The following RAP1GDS1 variants were observed in gnomAD, a reference collection of about 807,000 sequenced individuals.
RAP1GDS1 encodes the protein Rap1 GTPase-GDP dissociation stimulator 1.
In RAP1GDS1, 35 loss-of-function variants were observed where a neutral mutation model predicts 71.1. The observed-to-expected ratio is 0.49, with a 90% CI of 0.38 to 0.65. RAP1GDS1 has a LOEUF of 0.65. RAP1GDS1 is among the 30% of genes least tolerant of loss of function. The pLI is 0.00. For synonymous variants in RAP1GDS1, 229 were observed against 243.1 expected (o/e 0.94, Z 0.54); for missense variants, 663 against 706.1 (o/e 0.94, Z 0.69).
At chr4:98,280,052 A>G (rs1724827272) in intron 1 of RAP1GDS1, among the ~76,000 whole-genome samples, 1 of 152,236 alleles carries the variant, frequency 6.6e-6, no homozygotes. Flanking sequence ...TATTGTGAAT[A>G]GTGCCGCAAT....
intron 14 of RAP1GDS1, chr4:98,441,739 C>T: frequency 1.6e-6 from 1 of 612,018 alleles, no homozygotes; most frequent in Non-Finnish European, 2.0e-6. Context: ...TGTACTCAAA[C>T]CTGGGCAGCA....
chr4:98,334,300 T>TA lies in RAP1GDS1; in HGVS notation c.113-8832dup, dbSNP rs557811180. ...GGGTAAAACTGTTTCTATAGCAGTT[T>TA]AAAAAAACAAAAAAAACCTCTTTTA... On this transcript the variant is annotated intron_variant, in intron 2 of 14. Transcript: ENST00000408927. Among the ~76,000 whole-genome samples the TA allele has an allele frequency of 3.9e-3, 581 of 150,726 alleles. 6 individuals carry two copies. The highest frequency in any genetic ancestry group is 0.014 in the African/African-American group (556 of 41,120).
At chr4:98,269,108 A>G (rs745573902) in intron 1 of RAP1GDS1, among the ~76,000 whole-genome samples, 2 of 150,644 alleles carry the variant, frequency 1.3e-5, no homozygotes, top group Admixed American at 1.3e-4. Context: ...AAGCAGACAC[A>G]TAGATCAATG....
Position 98,431,933 on chromosome 4 carries a change from A to T in RAP1GDS1, c.1441-2003A>T, listed in dbSNP as rs564548645. The stretch of plus-strand genomic sequence containing the variant: ...TGAAGTAGTTGGTGAGAGGGCAGGA[A>T]TTTTTTTTTTTAATTATACTTTAAG... On this transcript the variant is annotated intron_variant, in intron 12 of 14. Transcript: ENST00000408927. Among the ~76,000 whole-genome samples the T allele has an allele frequency of 6.7e-5, 10 of 149,526 alleles. No homozygotes were observed. The South Asian group carries it at 1.9e-3, about 28-fold the overall frequency.
chr4:98,427,551 T>C (rs1749786559), intron 12 of RAP1GDS1, among the ~76,000 whole-genome samples: 1 of 151,738 alleles, frequency 6.6e-6, no homozygotes, highest in Non-Finnish European at 1.5e-5. Flanking sequence ...ACAAATTAGC[T>C]CTCCTATCAC....
intron 4 of RAP1GDS1, among the ~76,000 whole-genome samples, 165 bp from the exon 5 acceptor site, chr4:98,378,852 G>GTTTA (rs1186070137): frequency 6.6e-6 from 1 of 150,454 alleles, no homozygotes; most frequent in Non-Finnish European, 1.5e-5. Context: ...CCATTTCCAT[G>GTTTA]TTTATTTCTT....
chr4:98,401,674 A>G (rs1449933818), intron 6 of RAP1GDS1, among the ~76,000 whole-genome samples: 5 of 152,202 alleles, frequency 3.3e-5, no homozygotes, highest in Non-Finnish European at 7.3e-5. Context: ...TTGAGGATCC[A>G]TGGCACTTAA....
intron 4 of RAP1GDS1, among the ~76,000 whole-genome samples, chr4:98,377,074 A>G (rs760451567): frequency 6.6e-5 from 10 of 151,942 alleles, no homozygotes; most frequent in Non-Finnish European, 1.2e-4. Flanking sequence ...TCTAAGCCCT[A>G]GTTTCCTAGT....
At chr4:98,323,134 C>T (rs1732270958) in intron 2 of RAP1GDS1, among the ~76,000 whole-genome samples, 1 of 149,124 alleles carries the variant, frequency 6.7e-6, no homozygotes, top group South Asian at 2.1e-4. Flanking sequence ...TCAGAGAATA[C>T]TACAAACACC....
intron 2 of RAP1GDS1, among the ~76,000 whole-genome samples, chr4:98,330,301 C>G (rs1312690862): frequency 1.3e-5 from 2 of 152,238 alleles, no homozygotes; most frequent in African/African-American, 2.4e-5. Flanking sequence ...AAACCGGTAT[C>G]GTCATCATGG....
chr4:98,261,820 G>A (rs1722025457), intron 1 of RAP1GDS1, among the ~76,000 whole-genome samples: 1 of 152,034 alleles, frequency 6.6e-6, no homozygotes, highest in Non-Finnish European at 1.5e-5. Context: ...CCGGCACCTC[G>A]CAGCCTCGCC....
intron 1 of RAP1GDS1, among the ~76,000 whole-genome samples, chr4:98,284,038 C>A (rs1725617369): frequency 1.3e-5 from 2 of 151,996 alleles, no homozygotes; most frequent in South Asian, 4.1e-4. Flanking sequence ...GAAGGAAGAG[C>A]CTGTACTTGC....
In RAP1GDS1 at chr4:98,314,348, A is replaced by G. The variant is rs188191388; in HGVS notation, c.112+20833A>G. Among the ~76,000 whole-genome samples, 268 of 152,344 alleles carry G rather than the reference A, an allele frequency of 1.8e-3. 3 individuals are homozygous for G. The highest frequency in any genetic ancestry group is 0.017 in the Admixed American group (262 of 15,294). ...TATGAAAAACTTCGTTCTTAACTTC[A>G]AAAGAAATCAAGTTTCCTTGGTGAG... On this transcript the variant is annotated intron_variant, in intron 2 of 14. Transcript: ENST00000408927.
chr4:98,309,424 A>G (rs1457766069), intron 2 of RAP1GDS1, among the ~76,000 whole-genome samples: 1 of 151,982 alleles, frequency 6.6e-6, no homozygotes, highest in Admixed American at 6.6e-5. Flanking sequence ...ATTTTTACTC[A>G]TTTATGTACT....
chr4:98,290,775 A>G (rs575089552), intron 1 of RAP1GDS1, among the ~76,000 whole-genome samples: 6 of 152,208 alleles, frequency 3.9e-5, no homozygotes, highest in African/African-American at 1.4e-4. Context: ...TCAAGGCCTA[A>G]AATGTGGTAA....
In RAP1GDS1 at chr4:98,334,320, C is replaced by G. The variant is rs183417096; in HGVS notation, c.113-8819C>G. Among the ~76,000 whole-genome samples, 193 of 152,158 alleles carry G rather than the reference C, an allele frequency of 1.3e-3. 2 individuals carry two copies. The highest frequency in any genetic ancestry group is 4.5e-3 in the African/African-American group (188 of 41,538). ...CAGTTTAAAAAAACAAAAAAAACCT[C>G]TTTTACCCTTCCCCCACCTTTGACT... On this transcript the variant is annotated intron_variant, in intron 2 of 14. Transcript: ENST00000408927.
At chr4:98,311,093 A>T (rs1028581404) in intron 2 of RAP1GDS1, among the ~76,000 whole-genome samples, 2 of 152,222 alleles carry the variant, frequency 1.3e-5, no homozygotes, top group African/African-American at 4.8e-5. Context: ...AATTTTCTAG[A>T]GGATGCCAAT....
At chr4:98,427,309 G>A (rs1396114809) in intron 12 of RAP1GDS1, among the ~76,000 whole-genome samples, 1 of 152,164 alleles carries the variant, frequency 6.6e-6, no homozygotes, top group Non-Finnish European at 1.5e-5. Context: ...ACTGGAACAA[G>A]ATAAGGATGC....
intron 2 of RAP1GDS1, among the ~76,000 whole-genome samples, chr4:98,295,832 G>T (rs1411431776): frequency 6.6e-6 from 1 of 151,852 alleles, no homozygotes; most frequent in Non-Finnish European, 1.5e-5. Flanking sequence ...AGTGATATAT[G>T]TATTTTATAG....
Sources: allele counts gnomAD v4.1 joint callset (sites outside exome capture counted in the v4.1 genomes callset), GRCh38; gene constraint gnomAD v4.1.1; transcripts MANE v1.5; gene names NCBI Gene and HGNC (gene_info 2026-07-23, HGNC 2026-07-21).